Variants in CAMKMT observed in about 807,000 individuals in gnomAD.
CAMKMT encodes calmodulin-lysine N-methyltransferase, also known as CaM KMT.
In CAMKMT, 53 loss-of-function variants were observed where a neutral mutation model predicts 48.0. The ratio of observed to expected loss-of-function variants is 1.10; its 90% CI spans 0.89 to 1.39. The LOEUF (loss-of-function observed/expected upper bound fraction) is 1.39, where lower values mean the gene tolerates loss of function less well. CAMKMT is among the 40% of genes most tolerant of loss of function. The probability of loss-of-function intolerance (pLI) is 0.00; values close to 1 mark genes in which losing one functional copy is unlikely to be tolerated. For missense variants in CAMKMT, 428 were observed against 402.7 expected, an observed-to-expected ratio of 1.06 and a Z score of -0.54; for synonymous variants, 165 against 152.3, an observed-to-expected ratio of 1.08 and a Z score of -0.61.
At chr2:44,382,279 G>A (rs1480668479) in intron 2 of CAMKMT, among the ~76,000 whole-genome samples, 1 of 151,594 alleles carries the variant, frequency 6.6e-6, no homozygotes, top group African/African-American at 2.4e-5. Context: ...TCTTTTCTTA[G>A]TATTTACTGT....
intron 3 of CAMKMT, among the ~76,000 whole-genome samples, chr2:44,459,721 A>G (rs1390533337): frequency 6.6e-6 from 1 of 152,196 alleles, no homozygotes; most frequent in African/African-American, 2.4e-5. Flanking sequence ...GAATAGTACT[A>G]GTATATTTTA....
chr2:44,619,465 A>G (rs560196035), intron 3 of CAMKMT, among the ~76,000 whole-genome samples: 328 of 138,910 alleles, frequency 2.4e-3, no homozygotes, highest in East Asian at 0.013. Flanking sequence ...TTATGTGTGT[A>G]TATATATATA....
chr2:44,613,650 A>G (rs1200064133), intron 3 of CAMKMT, among the ~76,000 whole-genome samples: 1 of 152,226 alleles, frequency 6.6e-6, no homozygotes, highest in Non-Finnish European at 1.5e-5. Flanking sequence ...ACATTTACTG[A>G]GCACTTACTA....
intron 3 of CAMKMT, among the ~76,000 whole-genome samples, chr2:44,559,677 A>G (rs963818665): frequency 2.0e-5 from 3 of 152,156 alleles, no homozygotes; most frequent in Non-Finnish European, 2.9e-5. Context: ...TGAACCCTCT[A>G]TCTACTTACT....
At chr2:44,372,566 G>A (rs2104358275) in intron 1 of CAMKMT, 150 bp from the exon 2 acceptor site, 1 of 566,310 alleles carries the variant, frequency 1.8e-6, no homozygotes, top group Middle Eastern at 4.9e-4. Context: ...ATCTTTTATA[G>A]TTATCTTCAG....
At chr2:44,498,651 T>A (rs996669891) in intron 3 of CAMKMT, among the ~76,000 whole-genome samples, 5 of 152,196 alleles carry the variant, frequency 3.3e-5, no homozygotes, top group Non-Finnish European at 7.4e-5. Flanking sequence ...CTGGACCAAC[T>A]GCGAGGGGAC....
At position 44,390,222 on chromosome 2, in the gene CAMKMT, A is replaced by G. The variant is rs769324187; in HGVS notation, c.312-19A>G. 55 of 1,589,574 alleles carry G rather than the reference A, an allele frequency of 3.5e-5. No individual in the cohort carries two copies. The South Asian group carries it at 6.3e-4, about 18-fold the overall frequency. On this transcript the variant is annotated intron_variant, in intron 2 of 10. Transcript: ENST00000378494. ...TAACATTTCAGAATCATTAAAGCAA[A>G]CGCTTTACTCCTTTCTAGGCATAAT...
chr2:44,738,066 G>T (rs966650023), intron 7 of CAMKMT, among the ~76,000 whole-genome samples: 3 of 151,880 alleles, frequency 2.0e-5, no homozygotes, highest in African/African-American at 7.3e-5. Context: ...ATCTTGGCTA[G>T]CCCAGTCTCA....
At chr2:44,663,231 T>C (rs1674772319) in intron 3 of CAMKMT, among the ~76,000 whole-genome samples, 1 of 152,206 alleles carries the variant, frequency 6.6e-6, no homozygotes, top group Admixed American at 6.5e-5. Flanking sequence ...TGGGAGGGTT[T>C]CCAGGTCCAG....
At chr2:44,386,496 T>C (rs1234205348) in intron 2 of CAMKMT, among the ~76,000 whole-genome samples, 3 of 152,108 alleles carry the variant, frequency 2.0e-5, no homozygotes, top group Non-Finnish European at 4.4e-5. Context: ...TATTTTGTTG[T>C]TGTTGTTTCA....
At chr2:44,461,891 G>A (rs1667867352) in intron 3 of CAMKMT, among the ~76,000 whole-genome samples, 1 of 152,034 alleles carries the variant, frequency 6.6e-6, no homozygotes, top group African/African-American at 2.4e-5. Context: ...ATCTACCCTA[G>A]GTATATGGGA....
At chr2:44,362,536 G>C (rs1349706672) in intron 1 of CAMKMT, among the ~76,000 whole-genome samples, 2 of 152,118 alleles carry the variant, frequency 1.3e-5, no homozygotes, top group African/African-American at 4.8e-5. Context: ...CTCCCAGCCT[G>C]GTTCGAGTTA....
At chr2:44,366,718 G>GTTATTAGA (rs1553369069) in intron 1 of CAMKMT, among the ~76,000 whole-genome samples, 1 of 150,102 alleles carries the variant, frequency 6.7e-6, no homozygotes, top group Non-Finnish European at 1.5e-5. Flanking sequence ...AGCAGCTATT[G>GTTATTAGA]TTATTATTAT....
intron 2 of CAMKMT, among the ~76,000 whole-genome samples, chr2:44,389,433 T>G (rs929364454): frequency 6.6e-6 from 1 of 152,182 alleles, no homozygotes; most frequent in African/African-American, 2.4e-5. Flanking sequence ...AATGACAAAG[T>G]GAATGTTGAA....
intron 3 of CAMKMT, among the ~76,000 whole-genome samples, chr2:44,640,098 A>T (rs1006826590): frequency 2.0e-5 from 3 of 152,216 alleles, no homozygotes; most frequent in Non-Finnish European, 4.4e-5. Flanking sequence ...GTTTCTGAAT[A>T]TTCACATTAA....
chr2:44,767,041 C>A (rs1437036276), intron 10 of CAMKMT, among the ~76,000 whole-genome samples: 1 of 152,176 alleles, frequency 6.6e-6, no homozygotes, highest in African/African-American at 2.4e-5. Context: ...CAGAATTTCA[C>A]AGTTGTGGGG....
chr2:44,491,470 G>T (rs1669502639), intron 3 of CAMKMT, among the ~76,000 whole-genome samples: 1 of 152,034 alleles, frequency 6.6e-6, no homozygotes, highest in Admixed American at 6.6e-5. Flanking sequence ...TGGCTTCCAG[G>T]ATATTTAAAA....
At chr2:44,412,428 C>T (rs1683271369) in intron 3 of CAMKMT, among the ~76,000 whole-genome samples, 1 of 152,106 alleles carries the variant, frequency 6.6e-6, no homozygotes, top group South Asian at 2.1e-4. Flanking sequence ...CTCTGCCTCC[C>T]AGGTTCAAGC....
At chr2:44,655,856 A>G (rs1462571534) in intron 3 of CAMKMT, among the ~76,000 whole-genome samples, 1 of 152,184 alleles carries the variant, frequency 6.6e-6, no homozygotes, top group Non-Finnish European at 1.5e-5. Context: ...ATGGCCTTGG[A>G]ATCTGGAGAA....
Sources: gnomAD v4.1 joint callset for allele counts (sites outside exome capture counted in the v4.1 genomes callset) on GRCh38, gnomAD v4.1.1 for gene constraint, MANE v1.5 for transcripts, NCBI Gene and HGNC (gene_info 2026-07-23, HGNC 2026-07-21) for gene names.